KLRG1: variants seen among roughly 807,000 people sequenced by gnomAD.
The protein encoded by KLRG1 is killer cell lectin like receptor G1.
A neutral mutation model predicts 21.8 loss-of-function variants in KLRG1; 16 were observed. The observed-to-expected ratio is 0.73, with a 90% CI of 0.50 to 1.11. The LOEUF (loss-of-function observed/expected upper bound fraction) is 1.11. Among genes scored for constraint, KLRG1 ranks in the 50% most tolerant of loss-of-function variants. The probability of loss-of-function intolerance (pLI) is 0.00; values close to 1 mark genes in which losing one functional copy is unlikely to be tolerated. For missense variants in KLRG1, 173 were observed against 218.3 expected (o/e 0.79, Z 1.31); for synonymous variants, 69 against 75.9 (o/e 0.91, Z 0.47).
At chr12:8,978,113 T>C (rs1946687451) in intron 1 of KLRG1, among the ~76,000 whole-genome samples, 2 of 152,224 alleles carry the variant, frequency 1.3e-5, no homozygotes, top group Non-Finnish European at 2.9e-5. Flanking sequence ...GGATTAAAAC[T>C]ATATGTACCA....
chr12:9,113,290 G>C, the KLRG1 span: 1 of 1,523,550 alleles, frequency 6.6e-7, no homozygotes, highest in Non-Finnish European at 8.9e-7. Context: ...AGCCTCATCT[G>C]ACAGAATACT....
At chr12:9,093,147 A>C in the KLRG1 span, among the ~76,000 whole-genome samples, 1 of 152,210 alleles carries the variant, frequency 6.6e-6, no homozygotes, top group Non-Finnish European at 1.5e-5. Context: ...CGTAGGATGA[A>C]TAAATTTAGA....
chr12:9,001,107 T>A (rs749811016), intron 3 of KLRG1, among the ~76,000 whole-genome samples: 48 of 152,322 alleles, frequency 3.2e-4, no homozygotes, highest in African/African-American at 1.2e-3. Flanking sequence ...TTAAACAGTA[T>A]GTTGGTTACA....
chr12:9,056,488 A>C, the KLRG1 span, among the ~76,000 whole-genome samples: 1 of 151,986 alleles, frequency 6.6e-6, no homozygotes, highest in Non-Finnish European at 1.5e-5. Context: ...TCCTCATCTG[A>C]AAGACTTAGC....
the KLRG1 span, chr12:9,194,172 C>T: frequency 6.8e-6 from 11 of 1,613,640 alleles, no homozygotes; most frequent in Non-Finnish European, 6.8e-6. Context: ...TAATAATTGG[C>T]GTCATTCACA....
At chr12:9,098,813 C>G in the KLRG1 span, 2 of 1,580,778 alleles carry the variant, frequency 1.3e-6, no homozygotes, top group South Asian at 2.3e-5. Flanking sequence ...CCCATGCATT[C>G]ACTCGCATTT....
intron 1 of KLRG1, among the ~76,000 whole-genome samples, chr12:8,973,827 A>G (rs1946611495): frequency 6.6e-6 from 1 of 152,212 alleles, no homozygotes; most frequent in Admixed American, 6.5e-5. Flanking sequence ...TTGCTATTAT[A>G]AATGGTATTA....
chr12:8,966,471 T>C (rs373486702), intron 1 of KLRG1, among the ~76,000 whole-genome samples: 1 of 150,934 alleles, frequency 6.6e-6, no homozygotes, highest in South Asian at 2.1e-4. Flanking sequence ...GAATCTACAA[T>C]GAACTCAAAC....
At chr12:9,068,662 A>C in the KLRG1 span, 20 of 1,137,422 alleles carry the variant, frequency 1.8e-5, no homozygotes, top group Non-Finnish European at 2.3e-5. Context: ...TGTAATAAAT[A>C]ACCCCAACAC....
At chr12:9,161,321 C>T in the KLRG1 span, among the ~76,000 whole-genome samples, 3 of 152,238 alleles carry the variant, frequency 2.0e-5, no homozygotes, top group South Asian at 4.1e-4. Context: ...TCAATTTCAA[C>T]GAATGTGAGC....
At chr12:8,968,539 A>G (rs930316803) in intron 1 of KLRG1, among the ~76,000 whole-genome samples, 1 of 152,172 alleles carries the variant, frequency 6.6e-6, no homozygotes, top group East Asian at 1.9e-4. Context: ...AGGTTTTAAC[A>G]CCCCCACCCC....
the KLRG1 span, among the ~76,000 whole-genome samples, chr12:9,132,389 A>G: frequency 6.6e-6 from 1 of 152,234 alleles, no homozygotes. Flanking sequence ...AGTCATCTGC[A>G]AGTACAGAAA....
chr12:9,032,447 C>T, the KLRG1 span, among the ~76,000 whole-genome samples: 435 of 152,270 alleles, frequency 2.9e-3, 4 homozygotes, highest in African/African-American at 0.01. Context: ...AAGATGTCTT[C>T]GGTGATTCCT....
the KLRG1 span, among the ~76,000 whole-genome samples, chr12:9,199,660 A>G: frequency 6.6e-6 from 1 of 152,192 alleles, no homozygotes. Flanking sequence ...TCATTAAAAA[A>G]AGGAGGTTAT....
the KLRG1 span, chr12:9,128,302 A>C: frequency 1.3e-5 from 2 of 159,396 alleles, no homozygotes; most frequent in African/African-American, 4.8e-5. Flanking sequence ...GTCACCAGCC[A>C]GACTGAGGAT....
At chr12:9,038,678 C>T in the KLRG1 span, among the ~76,000 whole-genome samples, 1 of 152,106 alleles carries the variant, frequency 6.6e-6, no homozygotes, top group African/African-American at 2.4e-5. Context: ...AATTCCCCAT[C>T]TTTGAGGCTG....
At chr12:9,157,904 G>T in the KLRG1 span, 1 of 1,359,944 alleles carries the variant, frequency 7.4e-7, no homozygotes, top group Non-Finnish European at 1.0e-6. Context: ...CTCTTCTGTT[G>T]TTTGATGGAA....
At chr12:9,071,200 ATTTG>A in the KLRG1 span, among the ~76,000 whole-genome samples, 1 of 152,000 alleles carries the variant, frequency 6.6e-6, no homozygotes, top group Admixed American at 6.6e-5. Context: ...TATTTTATTT[ATTTG>A]TTTACTTTTA....
At chr12:9,079,964 A>C in the KLRG1 span, 2 of 966,880 alleles carry the variant, frequency 2.1e-6, no homozygotes, top group Non-Finnish European at 2.9e-6. Flanking sequence ...GAAAGCAATA[A>C]ACAAGCCCAA....
Sources: allele counts gnomAD v4.1 joint callset (sites outside exome capture counted in the v4.1 genomes callset), GRCh38; gene constraint gnomAD v4.1.1; transcripts MANE v1.5; gene names NCBI Gene and HGNC (gene_info 2026-07-23, HGNC 2026-07-21).